Variants in PCDHGA3 observed in about 807,000 individuals in gnomAD.
PCDHGA3 encodes protocadherin gamma subfamily A, 3.
PCDHGA3 carries 40 observed loss-of-function variants against 58.5 expected under a neutral mutation model. The observed-to-expected ratio is 0.68, with a 90% CI of 0.53 to 0.89. PCDHGA3 has a LOEUF of 0.89. PCDHGA3 is among the 40% of genes least tolerant of loss of function. PCDHGA3 has a pLI of 0.00. For missense variants in PCDHGA3, 1,223 were observed against 1,195.9 expected (o/e 1.02, Z -0.33); for synonymous variants, 530 against 525.7 (o/e 1.01, Z -0.11).
chr5:141,426,642 G>T, intron 1 of PCDHGA3: 1 of 411,420 alleles, frequency 2.4e-6, no homozygotes, highest in South Asian at 1.7e-5. Context: ...TCACATAAAT[G>T]TGATGATAGA....
chr5:141,394,837 T>G lies in PCDHGA3; in HGVS notation c.2424+48380T>G, dbSNP rs993988817. 198 of 1,613,706 alleles carry G rather than the reference T, an allele frequency of 1.2e-4. No homozygotes were observed. The highest frequency in any genetic ancestry group is 1.6e-4 in the Non-Finnish European group (187 of 1,179,960). ...AGCATCCCCGAAGTCCTGACCGAGT[T>G]GGGCAGTCTGAAGCCTTCGGTCGAC... is the stretch of plus-strand genomic sequence containing the variant. On this transcript the variant is annotated intron_variant, in intron 1 of 3. Coordinates refer to ENST00000253812, the MANE Select transcript of PCDHGA3 (RefSeq NM_018916.4).
intron 1 of PCDHGA3, among the ~76,000 whole-genome samples, chr5:141,353,692 T>C (rs1759355773): frequency 6.6e-6 from 1 of 152,252 alleles, no homozygotes. Context: ...TAAAGCGTTT[T>C]CCATACTTCT....
intron 1 of PCDHGA3, among the ~76,000 whole-genome samples, chr5:141,387,411 G>A (rs2090933954): frequency 1.3e-5 from 2 of 152,196 alleles, no homozygotes; most frequent in Admixed American, 6.5e-5. Flanking sequence ...ATTGGGGAAA[G>A]CTTATGTCAA....
At chr5:141,410,370 C>T (rs780808768) in intron 1 of PCDHGA3, 2 of 1,614,060 alleles carry the variant, frequency 1.2e-6, no homozygotes, top group South Asian at 2.2e-5. Flanking sequence ...AGCCCTGCTA[C>T]TTGGGACTGC....
At chr5:141,356,289 T>G (rs1298139288) in intron 1 of PCDHGA3, 1 of 1,555,532 alleles carries the variant, frequency 6.4e-7, no homozygotes, top group Admixed American at 2.0e-5. Flanking sequence ...CTTCCCCGGG[T>G]ACAGTAATTG....
At chr5:141,419,620 G>C in intron 1 of PCDHGA3, 1 of 1,612,304 alleles carries the variant, frequency 6.2e-7, no homozygotes, top group Non-Finnish European at 8.5e-7. Context: ...CAGGCTACCT[G>C]GTGACCAAGG....
chr5:141,376,682 T>TTTTTTGTTG lies in PCDHGA3; in HGVS notation c.2424+30230_2424+30231insGTTGTTTTT, dbSNP rs1554084782. On this transcript the variant is annotated intron_variant, in intron 1 of 3. Coordinates refer to ENST00000253812, the MANE Select transcript of PCDHGA3 (RefSeq NM_018916.4). ...TTGTTCAGGTGAGGGTATCGTTTTTTTTTTTTTTTTTTTTTGAGACGGAGT... is the reference window on the plus strand; with the variant it reads ...TTGTTCAGGTGAGGGTATCGTTTTTTTTTTTGTTGTTTTTTTTTTTTTTTGAGACGGAGT... The TTTTTTGTTG allele has an allele frequency of 3.8e-6, 3 of 786,082 alleles. No homozygotes were observed. In the African/African-American group the frequency reaches 5.8e-5, roughly 15 times the overall value. 48.7% of individuals were successfully genotyped at this position (786,082 alleles called of 1,614,324 possible). A position where few individuals can be genotyped will look rare whatever the true frequency, so the allele number is the denominator to read the frequency against.
intron 1 of PCDHGA3, chr5:141,427,048 C>T (rs1257232583): frequency 4.4e-6 from 2 of 457,350 alleles, no homozygotes; most frequent in South Asian, 1.5e-5. Context: ...AATGTGCCCC[C>T]AGGCACCTCT....
Position 141,424,000 on chromosome 5 carries a change from A to G in PCDHGA3, c.2425-70807A>G, listed in dbSNP as rs2096794510. On this transcript the variant is annotated intron_variant, in intron 1 of 3. Coordinates refer to ENST00000253812, the MANE Select transcript of PCDHGA3 (RefSeq NM_018916.4). ...ATGAGGCTCTCAATTTATTATATAT[A>G]GATACAAATTAATGATTCACAAACA... 5 of 1,076,368 alleles carry G rather than the reference A, an allele frequency of 4.6e-6. No homozygotes were observed. In the South Asian group the frequency reaches 1.4e-4, roughly 30 times the overall value. 66.7% of individuals were successfully genotyped at this position (1,076,368 alleles called of 1,614,324 possible).
Position 141,346,378 on chromosome 5 carries a change from A to T in PCDHGA3, c.2345A>T (p.Gln782Leu). Residue 782 changes from glutamine to leucine, a missense_variant, in exon 1 of 4, where the codon CAG becomes CTG. Gln to Leu is a moderately radical substitution (Grantham distance 113). Around this residue, in one of 3 missense-constraint regions of PCDHGA3, gnomAD observed 325 missense variants for 327.5 expected, o/e 0.99. Coordinates refer to ENST00000253812, the MANE Select transcript of PCDHGA3 (RefSeq NM_018916.4). ...AACTATGCGGACACGCTCATCAGCC[A>T]GGAGAGCTGTGAGAAAAGCGAGCCT... ...QPNYADTLIS[Q>L]ESCEKSEPLL... is the part of the protein sequence containing the mutation. 6.2e-7 allele frequency: 1 copy of T among 1,614,264 alleles called. No homozygotes were observed. The highest frequency in any genetic ancestry group is 8.5e-7 in the Non-Finnish European group (1 of 1,180,050).
chr5:141,499,037 G>A (rs912832519), intron 2 of PCDHGA3, among the ~76,000 whole-genome samples: 1 of 150,904 alleles, frequency 6.6e-6, no homozygotes, highest in South Asian at 2.1e-4. Context: ...AGAAAAGAAA[G>A]AAAAAGGGAG....
At chr5:141,422,044 G>A (rs780284162) in intron 1 of PCDHGA3, 1 of 1,611,530 alleles carries the variant, frequency 6.2e-7, no homozygotes, top group Non-Finnish European at 8.5e-7. Flanking sequence ...TCCAGACGAG[G>A]GAATCAACGG....
chr5:141,394,627 C>T (rs563086120), intron 1 of PCDHGA3: 2 of 1,613,412 alleles, frequency 1.2e-6, no homozygotes, highest in East Asian at 2.2e-5. Context: ...GCCTGGCTGT[C>T]CTACCGCCTG....
chr5:141,492,023 C>A, intron 1 of PCDHGA3: 1 of 564,804 alleles, frequency 1.8e-6, no homozygotes, highest in Non-Finnish European at 3.0e-6. Context: ...TCGGGGGTCC[C>A]GGGAGGAGGC....
At chr5:141,444,205 CTT>C in intron 1 of PCDHGA3, among the ~76,000 whole-genome samples, 1 of 77,932 alleles carries the variant, frequency 1.3e-5, no homozygotes. Context: ...GAGTTTCACT[CTT>C]GTTGCCCAGG....
intron 1 of PCDHGA3, among the ~76,000 whole-genome samples, chr5:141,349,773 A>G (rs1208499029): frequency 2.6e-5 from 4 of 152,224 alleles, no homozygotes; most frequent in Non-Finnish European, 4.4e-5. Context: ...GTTTATAAAT[A>G]TAGTGAAATC....
In PCDHGA3 at chr5:141,393,139, T is replaced by A. The variant is rs753058672; in HGVS notation, c.2424+46682T>A. 1.2e-6 allele frequency: 2 copies of A among 1,613,322 alleles called. No individual in the cohort carries two copies. The highest frequency in any genetic ancestry group is 3.3e-5 in the Admixed American group (2 of 60,032). ...CGGTGTCTGATAAATATTAACACCC[T>A]GGTTGAGGATAAAGGAAAACTCTTT... On this transcript the variant is annotated intron_variant, in intron 1 of 3. Coordinates refer to ENST00000253812, the MANE Select transcript of PCDHGA3 (RefSeq NM_018916.4).
At position 141,476,242 on chromosome 5, in the gene PCDHGA3, G is replaced by A. The variant is rs369923405; in HGVS notation, c.2425-18565G>A. The A allele has an allele frequency of 6.2e-6, 10 of 1,614,100 alleles. No individual in the cohort carries two copies. The highest frequency in any genetic ancestry group is 8.5e-6 in the Non-Finnish European group (10 of 1,180,026). The stretch of plus-strand genomic sequence containing the variant: ...ACTATGAGATCCCGGAGGAAAGAGA[G>A]AAGGGTTTCGCTGTGGGCAACGTGG... On this transcript the variant is annotated intron_variant, in intron 1 of 3. Transcript: ENST00000253812. This position sits in a 1 kb window ranked among gnomAD's most constrained non-coding sequence, Gnocchi z 7.6.
At chr5:141,463,784 T>G (rs2099069378) in intron 1 of PCDHGA3, among the ~76,000 whole-genome samples, 1 of 152,194 alleles carries the variant, frequency 6.6e-6, no homozygotes, top group South Asian at 2.1e-4. Context: ...CTGCACTGTC[T>G]TTTGAACAAA....
Sources: gnomAD v4.1 joint callset for allele counts (sites outside exome capture counted in the v4.1 genomes callset) on GRCh38, gnomAD v4.1.1 for gene constraint, gnomAD v4.1.1 regional missense constraint, Gnocchi (gnomAD v3.1) non-coding constraint, MANE v1.5 for transcripts, NCBI Gene and HGNC (gene_info 2026-07-23, HGNC 2026-07-21) for gene names.